The following BMP6 variants were observed in gnomAD, a reference collection of about 807,000 sequenced individuals.
BMP6 encodes VG-1-R.
In BMP6, 17 loss-of-function variants were observed where a neutral mutation model predicts 54.1. That is an observed-to-expected ratio of 0.31 (90% confidence interval 0.22 to 0.47). The LOEUF (loss-of-function observed/expected upper bound fraction) is 0.47. BMP6 is among the 20% of genes least tolerant of loss of function. The probability of loss-of-function intolerance (pLI) is 1.00; values close to 1 mark genes in which losing one functional copy is unlikely to be tolerated. For synonymous variants in BMP6, 328 were observed against 291.2 expected (o/e 1.13, Z -1.28); for missense variants, 720 against 690.4 (o/e 1.04, Z -0.48).
chr6:7,745,345 C>T (rs1411575794), intron 1 of BMP6, among the ~76,000 whole-genome samples: 1 of 152,218 alleles, frequency 6.6e-6, no homozygotes, highest in African/African-American at 2.4e-5. Context: ...GCAATCATGG[C>T]TCAAGGCGGC....
chr6:7,857,087 C>CT (rs1156879535), intron 2 of BMP6, among the ~76,000 whole-genome samples: 6 of 152,174 alleles, frequency 3.9e-5, no homozygotes, highest in Non-Finnish European at 5.9e-5. Context: ...ATGGTGCTCT[C>CT]TGTCAGCCCA....
At position 7,727,546 on chromosome 6, in the gene BMP6, G is replaced by A. The variant is rs993499096; in HGVS notation, c.591G>A (p.Ala197=). The A allele has an allele frequency of 1.1e-5, 18 of 1,594,736 alleles. No individual in the cohort carries two copies. The highest frequency in any genetic ancestry group is 1.4e-5 in the Non-Finnish European group (17 of 1,177,748). ...LLAPGSGSGG[A]SPLTSAQDSA... is the part of the protein sequence containing the mutation. ...CCCCCGGATCTGGCAGCGGCGGCGC[G>A]TCCCCACTGACCAGCGCGCAGGACA... The change falls in exon 1 of 7, where the codon GCG becomes GCA. Residue 197 remains alanine, a synonymous_variant. Transcript: ENST00000283147.
intron 4 of BMP6, among the ~76,000 whole-genome samples, chr6:7,870,505 C>T (rs1270790168): frequency 6.6e-6 from 1 of 152,210 alleles, no homozygotes; most frequent in African/African-American, 2.4e-5. Context: ...ACTCTGTTCT[C>T]CTTCTGAGGG....
chr6:7,728,382 C>G (rs576907323), intron 1 of BMP6, among the ~76,000 whole-genome samples: 2 of 152,174 alleles, frequency 1.3e-5, no homozygotes, highest in Non-Finnish European at 2.9e-5. Flanking sequence ...GGGTAGGGGC[C>G]GGGGTTGGGC....
At chr6:7,744,651 C>T (rs944214494) in intron 1 of BMP6, among the ~76,000 whole-genome samples, 2 of 152,180 alleles carry the variant, frequency 1.3e-5, no homozygotes, top group East Asian at 3.8e-4. Flanking sequence ...TAACCCAAAC[C>T]TCTGTCAAGA....
intron 1 of BMP6, among the ~76,000 whole-genome samples, chr6:7,732,899 ATT>A (rs11333377): frequency 1.0e-3 from 152 of 148,010 alleles, no homozygotes; most frequent in Admixed American, 2.1e-3. Flanking sequence ...CTAGGGAATG[ATT>A]TTTTTTTTTT....
At chr6:7,732,204 C>G (rs1028482875) in intron 1 of BMP6, among the ~76,000 whole-genome samples, 2 of 151,862 alleles carry the variant, frequency 1.3e-5, no homozygotes, top group Non-Finnish European at 2.9e-5. Flanking sequence ...AAATCCATGC[C>G]TGCAAGCTAC....
chr6:7,769,362 G>A (rs949370072), intron 1 of BMP6, among the ~76,000 whole-genome samples: 4 of 152,148 alleles, frequency 2.6e-5, no homozygotes, highest in African/African-American at 9.7e-5. Flanking sequence ...ATCCAAATCA[G>A]GATGCCTGGG....
intron 1 of BMP6, among the ~76,000 whole-genome samples, chr6:7,760,347 A>AATT (rs1757594815): frequency 6.6e-6 from 1 of 152,132 alleles, no homozygotes; most frequent in Non-Finnish European, 1.5e-5. Context: ...GAATTAAAGT[A>AATT]ATTATTTACT....
At chr6:7,855,319 C>CA (rs1263541985) in intron 2 of BMP6, among the ~76,000 whole-genome samples, 3 of 152,158 alleles carry the variant, frequency 2.0e-5, no homozygotes, top group African/African-American at 7.2e-5. Context: ...GTTAGAAATG[C>CA]AGATTCTCAG....
rs761569040 is a variant in BMP6 at position 7,727,498 on chromosome 6, G to A, written c.543G>A (p.Pro181=). The change falls in exon 1 of 7, where the codon CCG becomes CCA. Residue 181 remains proline, a synonymous_variant. Transcript: ENST00000283147. ...AGCCGCCCCCGGGCGCCGCGCACCC[G>A]CTCAACCGCAAGAGCCTTCTGGCCC... ...RRQPPPGAAH[P]LNRKSLLAPG... 4 of 1,595,264 alleles carry A rather than the reference G, an allele frequency of 2.5e-6. No individual in the cohort carries two copies. The highest frequency in any genetic ancestry group is 3.4e-6 in the Non-Finnish European group (4 of 1,176,662).
At chr6:7,803,382 A>T (rs1758300852) in intron 1 of BMP6, among the ~76,000 whole-genome samples, 1 of 152,176 alleles carries the variant, frequency 6.6e-6, no homozygotes. Flanking sequence ...CCTAGACACC[A>T]CTACCACATT....
intron 1 of BMP6, among the ~76,000 whole-genome samples, chr6:7,756,382 C>T (rs907335154): frequency 6.6e-6 from 1 of 152,154 alleles, no homozygotes; most frequent in Non-Finnish European, 1.5e-5. Flanking sequence ...TTCTCATGCT[C>T]ATGCTTTTCT....
chr6:7,827,766 G>A (rs868399856), intron 1 of BMP6, among the ~76,000 whole-genome samples: 1 of 152,138 alleles, frequency 6.6e-6, no homozygotes, highest in Non-Finnish European at 1.5e-5. Flanking sequence ...GCAAATAAGT[G>A]CATGCCACAA....
At position 7,837,084 on chromosome 6, in the gene BMP6, C is replaced by A. The variant is rs956467872; in HGVS notation, c.665-8056C>A. 5.3e-5 allele frequency among the ~76,000 whole-genome samples: 8 copies of A among 152,262 alleles called. No individual in the cohort carries two copies. The South Asian group carries it at 1.7e-3, about 32-fold the overall frequency. ...AATTATTGTAATTGCCTTAACTAAT[C>A]TAGACTAAATTAACCAGAGAGTAAG... On this transcript the variant is annotated intron_variant, in intron 1 of 6. Coordinates refer to ENST00000283147, the MANE Select transcript of BMP6 (RefSeq NM_001718.6).
At chr6:7,877,368 TCTCAGCA>T (rs1759637114) in intron 4 of BMP6, among the ~76,000 whole-genome samples, 1 of 152,210 alleles carries the variant, frequency 6.6e-6, no homozygotes, top group Non-Finnish European at 1.5e-5. Flanking sequence ...ACACCTGTAA[TCTCAGCA>T]CTCTGGGAGG....
At chr6:7,834,612 G>A (rs367810561) in intron 1 of BMP6, among the ~76,000 whole-genome samples, 1 of 151,692 alleles carries the variant, frequency 6.6e-6, no homozygotes, top group Admixed American at 6.6e-5. Flanking sequence ...GGGAGGCTGA[G>A]GTAGGATCAC....
chr6:7,820,799 A>G lies in BMP6; in HGVS notation c.665-24341A>G, dbSNP rs114696404. ...CAGTTTTGTAGAAGATCATTTTTCC[A>G]TGGACCAGGTGGGGAGGGGGGTGGT... On this transcript the variant is annotated intron_variant, in intron 1 of 6. Transcript: ENST00000283147. 3.8e-3 allele frequency among the ~76,000 whole-genome samples: 572 copies of G among 152,152 alleles called. 5 individuals carry two copies. Among genetic ancestry groups the G allele is most frequent in the African/African-American group, 0.013 (530 of 41,536 alleles).
intron 1 of BMP6, among the ~76,000 whole-genome samples, chr6:7,821,630 C>T (rs1374297266): frequency 6.6e-6 from 1 of 151,554 alleles, no homozygotes; most frequent in East Asian, 1.9e-4. Flanking sequence ...CCTCATCAAT[C>T]ACATGACCTT....
Sources: allele counts gnomAD v4.1 joint callset (sites outside exome capture counted in the v4.1 genomes callset), GRCh38; gene constraint gnomAD v4.1.1; transcripts MANE v1.5; gene names NCBI Gene and HGNC (gene_info 2026-07-23, HGNC 2026-07-21).